Variants in AGBL1 observed in about 807,000 individuals in gnomAD.
AGBL1 encodes the protein AGBL carboxypeptidase 1, also known as cytosolic carboxypeptidase 4.
AGBL1 carries 130 observed loss-of-function variants against 118.9 expected under a neutral mutation model. The ratio of observed to expected loss-of-function variants is 1.09; its 90% CI spans 0.95 to 1.26. AGBL1 has a LOEUF of 1.26. Among genes scored for constraint, AGBL1 ranks in the 50% most tolerant of loss-of-function variants. AGBL1 has a pLI of 0.00. For synonymous variants in AGBL1, 555 were observed against 478.9 expected, an observed-to-expected ratio of 1.16 and a Z score of -2.08; for missense variants, 1,584 against 1,298.1, an observed-to-expected ratio of 1.22 and a Z score of -3.38.
At chr15:86,945,244 T>TAAAAAA (rs11326362) in intron 23 of AGBL1, among the ~76,000 whole-genome samples, 1 of 70,782 alleles carries the variant, frequency 1.4e-5, no homozygotes, top group Non-Finnish European at 2.7e-5. Context: ...ACCCCATCAC[T>TAAAAAA]AAAAAAAAAA....
chr15:86,682,900 A>C (rs1008783241), intron 22 of AGBL1, among the ~76,000 whole-genome samples: 2 of 152,136 alleles, frequency 1.3e-5, no homozygotes, highest in Non-Finnish European at 2.9e-5. Flanking sequence ...GCTTCCATTA[A>C]CATTCCCTTT....
chr15:86,192,387 A>G (rs1262981677), intron 5 of AGBL1, among the ~76,000 whole-genome samples: 1 of 151,444 alleles, frequency 6.6e-6, no homozygotes, highest in Non-Finnish European at 1.5e-5. Context: ...ATAAACTTAT[A>G]TAGTTTAAAA....
In AGBL1 at chr15:86,167,630, G is replaced by A. The variant is rs1406527664; in HGVS notation, c.488+8604G>A. Among the ~76,000 whole-genome samples the A allele has an allele frequency of 2.0e-5, 3 of 152,318 alleles. No individual in the cohort carries two copies. The East Asian group carries it at 5.8e-4, about 29-fold the overall frequency. ...CACCATAAATTATAAAGCAGATGGG[G>A]GAAGAAAACACACTCTGGTTTTCCT... is the stretch of plus-strand genomic sequence containing the variant. On this transcript the variant is annotated intron_variant, in intron 5 of 22. Transcript: ENST00000614907.
chr15:86,457,987 T>C (rs1367231884), intron 18 of AGBL1, among the ~76,000 whole-genome samples: 1 of 152,090 alleles, frequency 6.6e-6, no homozygotes, highest in Non-Finnish European at 1.5e-5. Flanking sequence ...GCTGACGGAA[T>C]AAAAGTGAAG....
At position 86,417,465 on chromosome 15, in the gene AGBL1, A is replaced by T. The variant is rs184358133; in HGVS notation, c.2555+19919A>T. 1.2e-4 allele frequency among the ~76,000 whole-genome samples: 19 copies of T among 152,360 alleles called. No homozygotes were observed. The East Asian group carries it at 3.7e-3, about 29-fold the overall frequency. The stretch of plus-strand genomic sequence containing the variant: ...AATGCAATAAATGTTCATTGAACAT[A>T]TCCTAAGTAAGAAACATTGGTAAAC... On this transcript the variant is annotated intron_variant, in intron 18 of 22. Transcript: ENST00000614907.
chr15:86,780,620 T>G (rs112666679), intron 22 of AGBL1, among the ~76,000 whole-genome samples: 7,751 of 151,846 alleles, frequency 0.051, 387 homozygotes, highest in Admixed American at 0.17. Context: ...TCTATGGCTA[T>G]AAAATATCTT....
At chr15:86,284,999 G>A (rs1175764271) in intron 16 of AGBL1, among the ~76,000 whole-genome samples, 2 of 152,092 alleles carry the variant, frequency 1.3e-5, no homozygotes, top group Admixed American at 6.6e-5. Flanking sequence ...GGCTTCCACA[G>A]GGCTGTAATT....
At chr15:86,129,047 G>A (rs550245970) in intron 1 of AGBL1, among the ~76,000 whole-genome samples, 32 of 152,214 alleles carry the variant, frequency 2.1e-4, no homozygotes, top group African/African-American at 6.0e-4. Flanking sequence ...AGTCTTTATC[G>A]CCTGGAATGT....
intron 18 of AGBL1, among the ~76,000 whole-genome samples, chr15:86,455,641 A>G (rs997120485): frequency 2.0e-5 from 3 of 152,190 alleles, no homozygotes; most frequent in Admixed American, 2.0e-4. Flanking sequence ...TCCTAACATA[A>G]TAAAAGCTAA....
At chr15:86,918,535 C>T (rs983154380), downstream of AGBL1, among the ~76,000 whole-genome samples, 2 of 115,608 alleles carry the variant, frequency 1.7e-5, no homozygotes, top group African/African-American at 5.2e-5. Context: ...GAGACCCAGT[C>T]TCAAAAAATA....
intron 23 of AGBL1, among the ~76,000 whole-genome samples, chr15:86,950,782 A>G (rs1038610385): frequency 2.6e-5 from 4 of 152,096 alleles, no homozygotes; most frequent in Non-Finnish European, 5.9e-5. Context: ...GGCAACTCAC[A>G]AAAGAGGATG....
intron 18 of AGBL1, among the ~76,000 whole-genome samples, chr15:86,466,346 C>T (rs2082406465): frequency 6.6e-6 from 1 of 152,142 alleles, no homozygotes; most frequent in Middle Eastern, 3.2e-3. Flanking sequence ...CTCCATCAGG[C>T]CATTTATGTT....
chr15:86,493,556 A>G (rs1472579430), intron 18 of AGBL1, among the ~76,000 whole-genome samples: 1 of 152,074 alleles, frequency 6.6e-6, no homozygotes, highest in Non-Finnish European at 1.5e-5. Flanking sequence ...GAGAGCCAGA[A>G]TAATTGGGTC....
chr15:86,196,048 C>T (rs187924490), intron 5 of AGBL1, among the ~76,000 whole-genome samples: 2 of 152,224 alleles, frequency 1.3e-5, no homozygotes, highest in East Asian at 1.9e-4. Flanking sequence ...CATAGGATAT[C>T]TGATTTTTAG....
intron 14 of AGBL1, among the ~76,000 whole-genome samples, chr15:86,270,303 C>A (rs531526303): frequency 1.3e-5 from 2 of 152,278 alleles, no homozygotes; most frequent in South Asian, 2.1e-4. Context: ...TGGATTCCCT[C>A]GCTCTACCTT....
intron 17 of AGBL1, among the ~76,000 whole-genome samples, chr15:86,364,531 C>A (rs1328577985): frequency 6.6e-6 from 1 of 152,098 alleles, no homozygotes; most frequent in African/African-American, 2.4e-5. Flanking sequence ...GCTGCCCCAC[C>A]TCCCACTGAT....
At chr15:86,720,846 T>C (rs2086707719) in intron 22 of AGBL1, among the ~76,000 whole-genome samples, 1 of 152,080 alleles carries the variant, frequency 6.6e-6, no homozygotes, top group Non-Finnish European at 1.5e-5. Context: ...AAATACAAAC[T>C]ACCATCAGAG....
chr15:86,533,999 T>G (rs1225576841), intron 19 of AGBL1, among the ~76,000 whole-genome samples: 3 of 111,940 alleles, frequency 2.7e-5, no homozygotes, highest in Admixed American at 9.0e-5. Context: ...CATTGGGAGA[T>G]ATACCTAATG....
At chr15:86,516,396 T>C (rs1230883229) in intron 18 of AGBL1, among the ~76,000 whole-genome samples, 1 of 152,212 alleles carries the variant, frequency 6.6e-6, no homozygotes, top group African/African-American at 2.4e-5. Flanking sequence ...TTCCTTTCAG[T>C]CTGGTGACGT....
Sources: gnomAD v4.1 joint callset for allele counts (sites outside exome capture counted in the v4.1 genomes callset) on GRCh38, gnomAD v4.1.1 for gene constraint, MANE v1.5 for transcripts, NCBI Gene and HGNC (gene_info 2026-07-23, HGNC 2026-07-21) for gene names.